The following RAB27A variants were observed in gnomAD, a reference collection of about 807,000 sequenced individuals.
RAB27A encodes the protein RAB27A, member RAS oncogene family.
RAB27A carries 17 observed loss-of-function variants against 20.8 expected under a neutral mutation model. The observed-to-expected ratio is 0.82, with a 90% confidence interval of 0.56 to 1.23. The LOEUF (loss-of-function observed/expected upper bound fraction) is 1.23, where lower values mean the gene tolerates loss of function less well. RAB27A is among the 50% of genes most tolerant of loss of function. The pLI, the probability that RAB27A is intolerant of heterozygous loss-of-function variation, is 0.00. For missense variants in RAB27A, 277 were observed against 266.7 expected (o/e 1.04, Z -0.27); for synonymous variants, 85 against 92.8 (o/e 0.92, Z 0.48).
intron 5 of RAB27A, among the ~76,000 whole-genome samples, chr15:55,225,819 A>C (rs549929994): frequency 6.6e-6 from 1 of 152,336 alleles, no homozygotes; most frequent in South Asian, 2.1e-4. Context: ...CTACATAAAC[A>C]ACTACAGTCT....
intron 2 of RAB27A, among the ~76,000 whole-genome samples, chr15:55,265,987 T>C (rs1177790579): frequency 6.6e-6 from 1 of 152,074 alleles, no homozygotes; most frequent in Non-Finnish European, 1.5e-5. Flanking sequence ...CTTAGAAAGA[T>C]CTCTATGGCA....
chr15:55,236,947 C>G (rs1331857534), intron 2 of RAB27A, among the ~76,000 whole-genome samples: 2 of 152,076 alleles, frequency 1.3e-5, no homozygotes, highest in Non-Finnish European at 2.9e-5. Flanking sequence ...AGAACTTATT[C>G]TTTCCATCTA....
At chr15:55,211,688 A>G (rs1895032658) in intron 6 of RAB27A, among the ~76,000 whole-genome samples, 1 of 152,212 alleles carries the variant, frequency 6.6e-6, no homozygotes, top group African/African-American at 2.4e-5. Context: ...CTCTTAAAGC[A>G]GGCCTGTGGC....
chr15:55,280,891 T>C (rs1410559781), intron 1 of RAB27A, among the ~76,000 whole-genome samples: 1 of 152,200 alleles, frequency 6.6e-6, no homozygotes, highest in Non-Finnish European at 1.5e-5. Context: ...CCACATTTTC[T>C]TAATCCAGTC....
chr15:55,313,749 G>A (rs1460994238), intron 2 of RAB27A, among the ~76,000 whole-genome samples: 8 of 151,942 alleles, frequency 5.3e-5, no homozygotes, highest in African/African-American at 9.7e-5. Context: ...CGAGGCGGGC[G>A]GATCACGAGG....
At chr15:55,206,821 T>TTCC (rs1412796228) in intron 6 of RAB27A, among the ~76,000 whole-genome samples, 1 of 152,140 alleles carries the variant, frequency 6.6e-6, no homozygotes, top group Non-Finnish European at 1.5e-5. Context: ...ATAAGTTTGA[T>TTCC]AATCTTGACA....
intron 3 of RAB27A, among the ~76,000 whole-genome samples, chr15:55,230,859 G>A (rs753643502): frequency 6.6e-6 from 1 of 151,966 alleles, no homozygotes; most frequent in African/African-American, 2.4e-5. Flanking sequence ...ACATGTGCAG[G>A]CTTGTTACGT....
intron 6 of RAB27A, among the ~76,000 whole-genome samples, chr15:55,217,884 A>G (rs1744338459): frequency 6.6e-6 from 1 of 152,036 alleles, no homozygotes; most frequent in South Asian, 2.1e-4. Context: ...CATGGAGACC[A>G]TTAATTATAA....
At position 55,280,198 on chromosome 15, in the gene RAB27A, C is replaced by T. The variant is rs565121818; in HGVS notation, c.-143+9518G>A. On this transcript the variant is annotated intron_variant, in intron 1 of 6. Coordinates refer to ENST00000336787, the MANE Select transcript of RAB27A (RefSeq NM_183235.3). Reference sequence around the variant, plus strand: ...ATTTCCGAGGCTGTGCTGCCTCTGTCCCTGAGAATCTTACTATGTTGTTTG... The same window carrying T: ...ATTTCCGAGGCTGTGCTGCCTCTGTTCCTGAGAATCTTACTATGTTGTTTG... Among the ~76,000 whole-genome samples the T allele has an allele frequency of 1.2e-4, 18 of 152,240 alleles. 1 individual carries two copies. The highest frequency in any genetic ancestry group is 4.6e-4 in the Admixed American group (7 of 15,288).
At chr15:55,270,446 C>G (rs1159217092) in intron 1 of RAB27A, 162 bp from the exon 2 acceptor site, 1 of 152,150 alleles carries the variant, frequency 6.6e-6, no homozygotes, top group African/African-American at 2.4e-5. Flanking sequence ...TGTCATATGG[C>G]ACTGCAGACC....
chr15:55,271,953 C>T lies in RAB27A; in HGVS notation c.-142-1669G>A, dbSNP rs368773857. 8.3e-4 allele frequency among the ~76,000 whole-genome samples: 127 copies of T among 152,270 alleles called. 1 individual carries two copies. In the South Asian group the frequency reaches 0.025, roughly 30 times the overall value. ...AATGGAATTTTCGTTTCACACCTGA[C>T]GAAAATCTCATGAAAATGCACCTCT... is the stretch of plus-strand genomic sequence containing the variant. On this transcript the variant is annotated intron_variant, in intron 1 of 6. Transcript: ENST00000336787.
intron 2 of RAB27A, among the ~76,000 whole-genome samples, chr15:55,243,547 T>C (rs1291867000): frequency 2.0e-5 from 3 of 151,988 alleles, no homozygotes; most frequent in African/African-American, 7.3e-5. Flanking sequence ...TCCCAGCTTC[T>C]TGGGAGGCTG....
At chr15:55,241,644 T>TATATATATTTGG (rs1896497733) in intron 2 of RAB27A, among the ~76,000 whole-genome samples, 1 of 93,404 alleles carries the variant, frequency 1.1e-5, no homozygotes, top group African/African-American at 1.2e-4. Context: ...ATATATTTGT[T>TATATATATTTGG]TTTTTTTTTA....
intron 2 of RAB27A, among the ~76,000 whole-genome samples, chr15:55,298,204 C>CAAAAAAA (rs545657585): frequency 1.6e-5 from 1 of 63,504 alleles, no homozygotes; most frequent in Non-Finnish European, 3.4e-5. Context: ...GACTCCGTCT[C>CAAAAAAA]AAAAAAAAAA....
chr15:55,249,282 G>GTATT (rs1476511384), intron 2 of RAB27A, among the ~76,000 whole-genome samples: 1 of 152,132 alleles, frequency 6.6e-6, no homozygotes, highest in Non-Finnish European at 1.5e-5. Context: ...GGAATTAAGT[G>GTATT]TATTTATTTA....
At chr15:55,227,255 A>G (rs1341738108) in intron 5 of RAB27A, among the ~76,000 whole-genome samples, 1 of 152,186 alleles carries the variant, frequency 6.6e-6, no homozygotes, top group Non-Finnish European at 1.5e-5. Flanking sequence ...GTGTCTACCT[A>G]TGAAAAACAG....
chr15:55,278,697 T>C (rs909076765), intron 1 of RAB27A, among the ~76,000 whole-genome samples: 3 of 152,126 alleles, frequency 2.0e-5, no homozygotes, highest in Non-Finnish European at 2.9e-5. Flanking sequence ...TTAGCCAGGA[T>C]GGTCTCGATC....
intron 2 of RAB27A, among the ~76,000 whole-genome samples, chr15:55,268,311 C>T (rs1203107914): frequency 1.3e-5 from 2 of 152,134 alleles, no homozygotes; most frequent in Non-Finnish European, 2.9e-5. Context: ...GTTTGGTCAC[C>T]ACACTGGAAT....
chr15:55,267,045 T>TA, intron 2 of RAB27A, among the ~76,000 whole-genome samples: 1 of 152,144 alleles, frequency 6.6e-6, no homozygotes, highest in South Asian at 2.1e-4. Flanking sequence ...AGAAGGACAC[T>TA]AGGAAGGAGA....
Sources: gnomAD v4.1 joint callset for allele counts (sites outside exome capture counted in the v4.1 genomes callset) on GRCh38, gnomAD v4.1.1 for gene constraint, MANE v1.5 for transcripts, NCBI Gene and HGNC (gene_info 2026-07-23, HGNC 2026-07-21) for gene names.